Variants in TRIM24 observed in about 807,000 individuals in gnomAD.
The protein encoded by TRIM24 is transcription intermediary factor 1-alpha.
In TRIM24, 29 loss-of-function variants were observed where a neutral mutation model predicts 123.9. The observed-to-expected ratio is 0.23, with a 90% CI of 0.17 to 0.32. The LOEUF (loss-of-function observed/expected upper bound fraction) is 0.32. TRIM24 is among the 10% of genes least tolerant of loss of function. TRIM24 has a pLI of 1.00. For missense variants in TRIM24, 932 were observed against 1,295.3 expected, an observed-to-expected ratio of 0.72 and a Z score of 4.31; for synonymous variants, 456 against 461.1, an observed-to-expected ratio of 0.99 and a Z score of 0.14.
Position 138,585,280 on chromosome 7 carries a change from A to G in TRIM24, c.*329A>G. On this transcript the variant is annotated 3_prime_UTR_variant, in exon 19 of 19. Transcript: ENST00000343526. ...TAAACCACAGTCTGGAGTGATAGCTACTGTAGAAAGGAAATAGACTTTGTA... is the reference window on the plus strand; with the variant it reads ...TAAACCACAGTCTGGAGTGATAGCTGCTGTAGAAAGGAAATAGACTTTGTA... The G allele has an allele frequency of 3.8e-6, 1 of 260,970 alleles. No homozygotes were observed. The highest frequency in any genetic ancestry group is 7.3e-6 in the Non-Finnish European group (1 of 137,610). 16.2% of individuals were successfully genotyped at this position (260,970 alleles called of 1,614,324 possible). A position where few individuals can be genotyped will look rare whatever the true frequency, so the allele number is the denominator to read the frequency against.
chr7:138,508,363 G>A (rs1400565038), intron 2 of TRIM24, among the ~76,000 whole-genome samples: 2 of 152,146 alleles, frequency 1.3e-5, no homozygotes, highest in Non-Finnish European at 2.9e-5. Flanking sequence ...TGCTCATCAG[G>A]AAGCATATGG....
chr7:138,580,413 C>T (rs1057056336), intron 15 of TRIM24, 149 bp from the exon 16 acceptor site: 17 of 900,724 alleles, frequency 1.9e-5, no homozygotes, highest in Non-Finnish European at 2.8e-5. Flanking sequence ...TGCAGTATAC[C>T]TAGTGGTATG....
At chr7:138,485,187 T>A (rs552411767) in intron 1 of TRIM24, among the ~76,000 whole-genome samples, 1 of 152,268 alleles carries the variant, frequency 6.6e-6, no homozygotes, top group East Asian at 1.9e-4. Flanking sequence ...TACTATGCCT[T>A]GTCAATGTTT....
intron 1 of TRIM24, among the ~76,000 whole-genome samples, chr7:138,485,367 ATTATAC>A (rs1795621483): frequency 6.7e-6 from 1 of 148,948 alleles, no homozygotes; most frequent in South Asian, 2.1e-4. Flanking sequence ...TTTTTTTTTA[ATTATAC>A]TTTAAGTTCT....
At chr7:138,533,809 C>T (rs769712659) in intron 6 of TRIM24, among the ~76,000 whole-genome samples, 5 of 152,130 alleles carry the variant, frequency 3.3e-5, no homozygotes, top group Non-Finnish European at 7.3e-5. Context: ...CCTCCTTGTA[C>T]CTCTGGTAGA....
intron 1 of TRIM24, among the ~76,000 whole-genome samples, chr7:138,498,631 A>G (rs979803401): frequency 5.3e-5 from 8 of 151,100 alleles, no homozygotes; most frequent in Non-Finnish European, 1.0e-4. Flanking sequence ...TTCTGCTCAC[A>G]TTGTTTTTTC....
intron 5 of TRIM24, 41 bp from the exon 6 acceptor site, chr7:138,529,075 C>T: frequency 7.9e-7 from 1 of 1,273,582 alleles, no homozygotes; most frequent in South Asian, 1.5e-5. Flanking sequence ...AAATATTATA[C>T]AAAAAAACTG....
chr7:138,510,239 G>T (rs1479699956), intron 2 of TRIM24, among the ~76,000 whole-genome samples: 2 of 152,220 alleles, frequency 1.3e-5, no homozygotes, highest in Non-Finnish European at 2.9e-5. Context: ...TGTGAAACCA[G>T]CTTGTAAAGC....
intron 1 of TRIM24, among the ~76,000 whole-genome samples, chr7:138,495,153 G>C (rs1280902575): frequency 6.6e-6 from 1 of 152,160 alleles, no homozygotes; most frequent in Non-Finnish European, 1.5e-5. Flanking sequence ...TATAGGGAAG[G>C]TGAAGTAGGG....
intron 1 of TRIM24, among the ~76,000 whole-genome samples, chr7:138,462,447 TCTC>T (rs1324067436): frequency 1.3e-5 from 2 of 150,808 alleles, no homozygotes; most frequent in African/African-American, 4.9e-5. Flanking sequence ...TTCACGCCAT[TCTC>T]CTGCCTCAGC....
At chr7:138,577,302 ATGT>A (rs1412330555) in intron 13 of TRIM24, 115 bp from the exon 14 acceptor site, 10 of 732,286 alleles carry the variant, frequency 1.4e-5, no homozygotes, top group Non-Finnish European at 2.1e-5. Flanking sequence ...TTAATTGCTG[ATGT>A]TAACATACTT....
chr7:138,497,393 C>CTTTTTTTTTTT (rs869232002), intron 1 of TRIM24, among the ~76,000 whole-genome samples: 1 of 88,338 alleles, frequency 1.1e-5, no homozygotes, highest in African/African-American at 4.6e-5. Flanking sequence ...ATTACAATTT[C>CTTTTTTTTTTT]TTTTTTTTTT....
At chr7:138,557,214 C>T (rs542935303) in intron 9 of TRIM24, among the ~76,000 whole-genome samples, 24 of 152,218 alleles carry the variant, frequency 1.6e-4, no homozygotes, top group Non-Finnish European at 2.4e-4. Context: ...TTGTCAGGGC[C>T]CTGCCTATTG....
At chr7:138,538,086 C>G (rs183461730) in intron 6 of TRIM24, among the ~76,000 whole-genome samples, 157 of 152,200 alleles carry the variant, frequency 1.0e-3, no homozygotes, top group African/African-American at 3.6e-3. Context: ...GTGCATTGGC[C>G]CACTCATTCA....
At chr7:138,534,193 T>C (rs1178071209) in intron 6 of TRIM24, among the ~76,000 whole-genome samples, 1 of 152,116 alleles carries the variant, frequency 6.6e-6, no homozygotes, top group Non-Finnish European at 1.5e-5. Context: ...TTTTGAAGGG[T>C]TTTTTGTGTC....
chr7:138,488,542 G>C (rs188493085), intron 1 of TRIM24, among the ~76,000 whole-genome samples: 1 of 152,144 alleles, frequency 6.6e-6, no homozygotes, highest in Non-Finnish European at 1.5e-5. Context: ...ATTCTGGTAC[G>C]TTGTGTCTTT....
chr7:138,506,578 G>C (rs1023398145), intron 2 of TRIM24, among the ~76,000 whole-genome samples: 3 of 152,172 alleles, frequency 2.0e-5, no homozygotes, highest in African/African-American at 7.2e-5. Context: ...GATGATAATA[G>C]GACATGAGAG....
At chr7:138,479,573 C>T (rs1460189316) in intron 1 of TRIM24, among the ~76,000 whole-genome samples, 3 of 151,108 alleles carry the variant, frequency 2.0e-5, no homozygotes, top group African/African-American at 4.9e-5. Flanking sequence ...AGTGCAGTGG[C>T]GGGATGTTGG....
At chr7:138,548,364 AGCCGAGC>A (rs1294800113) in intron 7 of TRIM24, among the ~76,000 whole-genome samples, 1 of 152,036 alleles carries the variant, frequency 6.6e-6, no homozygotes, top group Non-Finnish European at 1.5e-5. Flanking sequence ...GGTTGCAGTG[AGCCGAGC>A]TGAGATCGCA....
Sources: allele counts gnomAD v4.1 joint callset (sites outside exome capture counted in the v4.1 genomes callset), GRCh38; gene constraint gnomAD v4.1.1; transcripts MANE v1.5; gene names NCBI Gene and HGNC (gene_info 2026-07-23, HGNC 2026-07-21).